HERC1: variants seen among roughly 807,000 people sequenced by gnomAD.
HERC1 encodes the protein probable E3 ubiquitin-protein ligase HERC1.
A neutral mutation model predicts 554.3 loss-of-function variants in HERC1; 160 were observed. That is an observed-to-expected ratio of 0.29 (90% CI 0.25 to 0.33). HERC1 has a LOEUF of 0.33. Among genes scored for constraint, HERC1 ranks in the 10% least tolerant of loss-of-function variants. The pLI, the probability that HERC1 is intolerant of heterozygous loss-of-function variation, is 1.00. For missense variants in HERC1, 4,919 were observed against 5,918.5 expected (o/e 0.83, Z 5.54); for synonymous variants, 2,175 against 2,131.7 (o/e 1.02, Z -0.56).
At chr15:63,705,149 A>G (rs1343261880) in intron 25 of HERC1, among the ~76,000 whole-genome samples, 1 of 151,776 alleles carries the variant, frequency 6.6e-6, no homozygotes, top group Non-Finnish European at 1.5e-5. Context: ...CAGAGAAATC[A>G]TTCTCTGTAT....
intron 34 of HERC1, among the ~76,000 whole-genome samples, chr15:63,685,350 G>A (rs2153017138): frequency 6.6e-6 from 1 of 152,364 alleles, no homozygotes; most frequent in African/African-American, 2.4e-5. Flanking sequence ...GTTAACCTGT[G>A]CTGCCTATTA....
chr15:63,658,685 C>A lies in HERC1; in HGVS notation c.9458G>T (p.Gly3153Val). Residue 3153 changes from glycine to valine, a missense_variant, in exon 48 of 78, where the codon GGG (glycine) becomes GTG (valine). Coordinates refer to ENST00000443617, the MANE Select transcript of HERC1 (RefSeq NM_003922.4). Reference protein sequence around the residue: ...CHGSVEKSSSGRITLGEQAAA... With the variant: ...CHGSVEKSSSVRITLGEQAAA... ...TGCCTGCTCTCCTAACGTTATTCTC[C>A]CAGAGGAGCTCTTTTCTACGGAGCC... The A allele has an allele frequency of 6.2e-7, 1 of 1,613,444 alleles. No individual in the cohort carries two copies. The highest frequency in any genetic ancestry group is 8.5e-7 in the Non-Finnish European group (1 of 1,179,468).
At chr15:63,703,331 T>A (rs910945704) in intron 25 of HERC1, among the ~76,000 whole-genome samples, 4 of 152,220 alleles carry the variant, frequency 2.6e-5, no homozygotes, top group Non-Finnish European at 5.9e-5. Flanking sequence ...TGTCAAATAC[T>A]GAGATTACAG....
At position 63,729,901 on chromosome 15, in the gene HERC1, T is replaced by C. The variant is rs567690036; in HGVS notation, c.2869-252A>G. 2.4e-3 allele frequency among the ~76,000 whole-genome samples: 367 copies of C among 151,568 alleles called. 2 individuals carry two copies. Among genetic ancestry groups the C allele is most frequent in the African/African-American group, 8.5e-3 (352 of 41,264 alleles). ...TTAGCTAGGCGTGGTGGTGGGTGCCTGTAATCCCAGCTACCGGGGAGGCTG... is the reference window on the plus strand; with the variant it reads ...TTAGCTAGGCGTGGTGGTGGGTGCCCGTAATCCCAGCTACCGGGGAGGCTG... On this transcript the variant is annotated intron_variant, in intron 14 of 77. Coordinates refer to ENST00000443617, the MANE Select transcript of HERC1 (RefSeq NM_003922.4).
chr15:63,670,614 C>CT (rs2070861584), intron 39 of HERC1, among the ~76,000 whole-genome samples: 1 of 152,124 alleles, frequency 6.6e-6, no homozygotes, highest in African/African-American at 2.4e-5. Flanking sequence ...TGGTGAATGC[C>CT]TATGGGAGCA....
rs2075168599 is a variant in HERC1, at chr15:63,749,570, G to A, written c.2048-32C>T. 4.4e-6 allele frequency: 7 copies of A among 1,573,484 alleles called. No homozygotes were observed. The South Asian group carries it at 8.2e-5, about 18-fold the overall frequency. On this transcript the variant is annotated intron_variant, in intron 9 of 77. Coordinates refer to ENST00000443617, the MANE Select transcript of HERC1 (RefSeq NM_003922.4). This position sits in a 1 kb window ranked among gnomAD's most constrained non-coding sequence, Gnocchi z 4.1. ...ACAAAATATAAAGTATTATATAAAA[G>A]AAAAGCCAAATTCAAATGTAATATA...
chr15:63,637,689 G>T (rs2068842763), intron 63 of HERC1, 46 bp from the exon 64 acceptor site: 2 of 1,440,064 alleles, frequency 1.4e-6, no homozygotes, highest in East Asian at 2.5e-5. Context: ...TTATTATATT[G>T]CTTTAACATG....
At chr15:63,650,041 T>C in intron 53 of HERC1, 116 bp from the exon 54 acceptor site, 1 of 672,636 alleles carries the variant, frequency 1.5e-6, no homozygotes, top group Non-Finnish European at 2.5e-6. Context: ...AATTTCATAA[T>C]AGCCTACTAA....
chr15:63,669,646 G>C lies in HERC1; in HGVS notation c.8098C>G (p.Gln2700Glu). The C allele has an allele frequency of 6.2e-7, 1 of 1,613,920 alleles. No individual in the cohort carries two copies. Among genetic ancestry groups the C allele is most frequent in the African/African-American group, 1.3e-5 (1 of 75,064 alleles). Residue 2700 changes from glutamine (Q) to glutamate (E), a missense_variant, in exon 40 of 78, where the codon CAG (glutamine) becomes GAG (glutamate). Physicochemically the swap from Gln to Glu is conservative, Grantham distance 29. This residue lies in a region of HERC1 where 1,963 missense variants were observed against 2,228.6 expected (regional missense o/e 0.88). Transcript: ENST00000443617. ...TTTVLPTRRA[Q>E]TPPISSLPTS... Reference sequence around the variant, plus strand: ...GGTAACGAAGATATTGGAGGAGTCTGTGCCCGACGTGTGGGAAGTACAGTG... The same window carrying C: ...GGTAACGAAGATATTGGAGGAGTCTCTGCCCGACGTGTGGGAAGTACAGTG...
intron 1 of HERC1, among the ~76,000 whole-genome samples, chr15:63,828,232 A>G (rs2078008558): frequency 3.9e-5 from 6 of 152,238 alleles, no homozygotes; most frequent in Admixed American, 3.9e-4. Context: ...CCAGAAACTA[A>G]AGAGACTATG....
chr15:63,633,617 A>G (rs980103408), intron 67 of HERC1, among the ~76,000 whole-genome samples: 4 of 152,186 alleles, frequency 2.6e-5, no homozygotes, highest in African/African-American at 7.2e-5. Context: ...CCATTTTTGG[A>G]GACAGAAGCT....
At chr15:63,732,478 A>T (rs1479530028) in intron 14 of HERC1, among the ~76,000 whole-genome samples, 1 of 152,206 alleles carries the variant, frequency 6.6e-6, no homozygotes, top group Non-Finnish European at 1.5e-5. Flanking sequence ...AATGGCAGGA[A>T]AAAAAGATGA....
chr15:63,652,330 A>G, intron 52 of HERC1, 84 bp downstream of exon 52: 1 of 1,306,850 alleles, frequency 7.7e-7, no homozygotes, highest in Non-Finnish European at 1.0e-6. Flanking sequence ...TTTAGTGACA[A>G]TATGATTACA....
In HERC1 at chr15:63,718,053, CTT is replaced by C. The variant is rs2073641959; in HGVS notation, c.3978+519_3978+520del. ...TTATTTCCTCTCTTACAGAGAAGCT[CTT>C]TAAGTATTTTTAAGGCAGCTATTAT... On this transcript the variant is annotated intron_variant, in intron 21 of 77. Coordinates refer to ENST00000443617, the MANE Select transcript of HERC1 (RefSeq NM_003922.4). This position sits in a 1 kb window ranked among gnomAD's most constrained non-coding sequence, Gnocchi z 4.2. 6.6e-6 allele frequency among the ~76,000 whole-genome samples: 1 copy of C among 150,636 alleles called. No homozygotes were observed. The highest frequency in any genetic ancestry group is 2.1e-4 in the South Asian group (1 of 4,754).
At chr15:63,638,903 T>C (rs1357064514) in intron 61 of HERC1, 127 bp from the exon 62 acceptor site, 4 of 711,402 alleles carry the variant, frequency 5.6e-6, no homozygotes, top group Non-Finnish European at 9.8e-6. Flanking sequence ...TTATGATAAA[T>C]TAAGAGCAGT....
chr15:63,757,785 C>T (rs991129429), intron 4 of HERC1, among the ~76,000 whole-genome samples: 32 of 152,194 alleles, frequency 2.1e-4, no homozygotes, highest in African/African-American at 7.0e-4. Flanking sequence ...TCTCAGCTCA[C>T]TGCAACCTCC....
chr15:63,643,169 A>G lies in HERC1; in HGVS notation c.11332-111T>C, dbSNP rs1248131656. 4 of 916,312 alleles carry G rather than the reference A, an allele frequency of 4.4e-6. No homozygotes were observed. The African/African-American group carries it at 6.7e-5, about 15-fold the overall frequency. The allele number at this position is 916,312 out of a possible 1,614,324, so 56.8% of individuals were successfully genotyped here. ...ATATTCTAAAGTCTACATTTTAGCTAAATTCAGCAACGTCCAATCACATAC... is the reference window on the plus strand; with the variant it reads ...ATATTCTAAAGTCTACATTTTAGCTGAATTCAGCAACGTCCAATCACATAC... On this transcript the variant is annotated intron_variant, in intron 58 of 77. Transcript: ENST00000443617.
At chr15:63,623,920 T>C (rs773779846) in intron 72 of HERC1, 30 bp from the exon 73 acceptor site, 5 of 1,605,856 alleles carry the variant, frequency 3.1e-6, no homozygotes, top group Non-Finnish European at 4.3e-6. Context: ...AGCAATGAAA[T>C]ACAACTCTTA....
intron 22 of HERC1, among the ~76,000 whole-genome samples, chr15:63,714,400 T>C (rs2073441908): frequency 6.6e-6 from 1 of 152,158 alleles, no homozygotes; most frequent in African/African-American, 2.4e-5. Flanking sequence ...TGAGATGGCA[T>C]CACCAGGAAT....
Sources: gnomAD v4.1 joint callset for allele counts (sites outside exome capture counted in the v4.1 genomes callset) on GRCh38, gnomAD v4.1.1 for gene constraint, gnomAD v4.1.1 regional missense constraint, Gnocchi (gnomAD v3.1) non-coding constraint, MANE v1.5 for transcripts, NCBI Gene and HGNC (gene_info 2026-07-23, HGNC 2026-07-21) for gene names.